The following SYNE1 variants were observed in gnomAD, a reference collection of about 807,000 sequenced individuals.
SYNE1 encodes the protein nesprin-1.
In SYNE1, 616 loss-of-function variants were observed where a neutral mutation model predicts 1,111.0. That is an observed-to-expected ratio of 0.55 (90% confidence interval 0.52 to 0.59). The LOEUF is 0.59. Among genes scored for constraint, SYNE1 ranks in the 20% least tolerant of loss-of-function variants. SYNE1 has a pLI of 0.00. For synonymous variants in SYNE1, 3,855 were observed against 3,825.8 expected (o/e 1.01, Z -0.28); for missense variants, 10,006 against 10,417.0 (o/e 0.96, Z 1.72).
intron 3 of SYNE1, among the ~76,000 whole-genome samples, chr6:152,570,271 G>A (rs1337616792): frequency 6.6e-6 from 1 of 152,146 alleles, no homozygotes; most frequent in East Asian, 1.9e-4. Context: ...GTAGGTATTT[G>A]ATTGTCCCGA....
intron 40 of SYNE1, 42 bp downstream of exon 40, chr6:152,419,527 A>G (rs2098219796): frequency 1.3e-6 from 2 of 1,572,520 alleles, no homozygotes; most frequent in Non-Finnish European, 1.7e-6. Flanking sequence ...TTTTTTATGA[A>G]GAAATTCTTC....
chr6:152,337,797 T>C (rs1369808019), intron 75 of SYNE1, among the ~76,000 whole-genome samples: 1 of 152,224 alleles, frequency 6.6e-6, no homozygotes, highest in African/African-American at 2.4e-5. Flanking sequence ...TTTGATCTGC[T>C]TCACTGGTTT....
At chr6:152,275,081 A>G (rs2093503424) in intron 98 of SYNE1, among the ~76,000 whole-genome samples, 1 of 151,962 alleles carries the variant, frequency 6.6e-6, no homozygotes, top group African/African-American at 2.4e-5. Flanking sequence ...TAATGTTTTT[A>G]TTATTTGTAG....
rs758523137 is a variant in SYNE1, at chr6:152,358,435, C to T, written c.10546G>A (p.Asp3516Asn). ...TCACCTTCAAGAACTGAATACTGGT[C>T]GAGCTTTTCTTGTTCTTGCCCCAAC... ...VWLGQEQEKLDQYSVLEGDAH... is the reference protein window; with the variant it reads ...VWLGQEQEKLNQYSVLEGDAH... Residue 3516 changes from aspartate (D) to asparagine (N), a missense_variant, in exon 66 of 146, where the codon GAC becomes AAC. Coordinates refer to ENST00000367255, the MANE Select transcript of SYNE1 (RefSeq NM_182961.4). 7 of 1,614,116 alleles carry T rather than the reference C, an allele frequency of 4.3e-6. No individual in the cohort carries two copies. Among genetic ancestry groups the T allele is most frequent in the South Asian group, 3.3e-5 (3 of 91,070 alleles).
At chr6:152,267,525 G>A (rs1297936300) in intron 100 of SYNE1, among the ~76,000 whole-genome samples, 1 of 152,140 alleles carries the variant, frequency 6.6e-6, no homozygotes, top group Non-Finnish European at 1.5e-5. Flanking sequence ...CCACACTGCT[G>A]CAATTCCTCT....
intron 3 of SYNE1, among the ~76,000 whole-genome samples, chr6:152,555,220 T>C (rs1456646020): frequency 6.6e-6 from 1 of 152,212 alleles, no homozygotes; most frequent in Non-Finnish European, 1.5e-5. Flanking sequence ...GAAAAGATAT[T>C]CTGTTTACAT....
At chr6:152,204,489 C>T (rs1342861031) in intron 126 of SYNE1, among the ~76,000 whole-genome samples, 1 of 151,872 alleles carries the variant, frequency 6.6e-6, no homozygotes, top group African/African-American at 2.4e-5. Context: ...AATTATAATG[C>T]CTATATTTGG....
At chr6:152,354,243 T>C (rs1245550648) in intron 67 of SYNE1, among the ~76,000 whole-genome samples, 1 of 152,180 alleles carries the variant, frequency 6.6e-6, no homozygotes, top group African/African-American at 2.4e-5. Context: ...ATAATGAAAA[T>C]AAATTCCTAA....
intron 83 of SYNE1, 78 bp downstream of exon 83, chr6:152,321,643 A>C (rs1486666250): frequency 2.6e-6 from 4 of 1,560,498 alleles, no homozygotes; most frequent in Non-Finnish European, 3.5e-6. Flanking sequence ...CAATAAATAC[A>C]AACAAGTATG....
In SYNE1 at chr6:152,391,418, C is replaced by T. The variant is rs1156271174; in HGVS notation, c.7863G>A (p.Val2621=). 1 of 1,613,890 alleles carries T rather than the reference C, an allele frequency of 6.2e-7. No homozygotes were observed. Among genetic ancestry groups the T allele is most frequent in the South Asian group, 1.1e-5 (1 of 91,060 alleles). ...MTKEKLRSCQ[V]ALQEHEALEE... is the part of the protein sequence containing the mutation. ...CCAGGGCTTCGTGCTCCTGAAGGGC[C>T]ACCTGGCAGCTCCGGAGTTTCTCTT... is the stretch of plus-strand genomic sequence containing the variant. The change falls in exon 52 of 146, where the codon GTG becomes GTA. Residue 2621 remains valine, a synonymous_variant. Transcript: ENST00000367255.
intron 3 of SYNE1, among the ~76,000 whole-genome samples, chr6:152,614,027 G>A (rs1008197517): frequency 1.3e-5 from 2 of 152,110 alleles, no homozygotes; most frequent in African/African-American, 4.8e-5. Context: ...TAAAACCACA[G>A]AAACCCTAGA....
At chr6:152,273,453 T>C (rs2093361362) in intron 98 of SYNE1, among the ~76,000 whole-genome samples, 2 of 152,238 alleles carry the variant, frequency 1.3e-5, no homozygotes, top group South Asian at 4.1e-4. Context: ...AAAGAATTTT[T>C]TTAAGTTAAA....
chr6:152,262,707 C>T (rs1442772836), intron 100 of SYNE1, among the ~76,000 whole-genome samples: 1 of 151,302 alleles, frequency 6.6e-6, no homozygotes, highest in African/African-American at 2.4e-5. Context: ...TAGTACAGGA[C>T]CTGGGAAGGT....
intron 108 of SYNE1, among the ~76,000 whole-genome samples, chr6:152,237,802 C>T (rs2084565066): frequency 6.6e-6 from 1 of 151,938 alleles, no homozygotes; most frequent in Middle Eastern, 3.2e-3. Flanking sequence ...TAAGTTCAGA[C>T]TTTTATTTTA....
At chr6:152,225,589 G>A in intron 116 of SYNE1, 132 bp downstream of exon 116, 1 of 1,069,866 alleles carries the variant, frequency 9.3e-7, no homozygotes, top group Non-Finnish European at 1.4e-6. Context: ...ATAACGAAGT[G>A]GACTTAAAAG....
At chr6:152,345,272 A>G (rs2096610391) in intron 73 of SYNE1, among the ~76,000 whole-genome samples, 1 of 152,234 alleles carries the variant, frequency 6.6e-6, no homozygotes, top group Non-Finnish European at 1.5e-5. Context: ...GAAAATGTCC[A>G]CTGTGAAGGA....
At chr6:152,224,399 T>A in intron 117 of SYNE1, 95 bp downstream of exon 117, 1 of 1,077,774 alleles carries the variant, frequency 9.3e-7, no homozygotes, top group Non-Finnish European at 1.4e-6. Flanking sequence ...GTAAACAACA[T>A]ATGGCAATAT....
intron 131 of SYNE1, among the ~76,000 whole-genome samples, chr6:152,163,034 T>A (rs1258037472): frequency 1.3e-5 from 2 of 152,244 alleles, no homozygotes; most frequent in East Asian, 3.8e-4. Context: ...ATTTACATTT[T>A]ATAGCATTTT....
chr6:152,484,197 GC>G (rs1394021733), intron 13 of SYNE1, among the ~76,000 whole-genome samples: 2 of 151,928 alleles, frequency 1.3e-5, no homozygotes, highest in African/African-American at 4.8e-5. Context: ...GGGTGACAGA[GC>G]AAGACACTAT....
Sources: allele counts gnomAD v4.1 joint callset (sites outside exome capture counted in the v4.1 genomes callset), GRCh38; gene constraint gnomAD v4.1.1; transcripts MANE v1.5; gene names NCBI Gene and HGNC (gene_info 2026-07-23, HGNC 2026-07-21).